The following HS6ST3 variants were observed in gnomAD, a reference collection of about 807,000 sequenced individuals.
The protein encoded by HS6ST3 is heparan-sulfate 6-O-sulfotransferase 3.
In HS6ST3, 12 loss-of-function variants were observed where a neutral mutation model predicts 36.7. The ratio of observed to expected loss-of-function variants is 0.33; its 90% CI spans 0.21 to 0.53. HS6ST3 has a LOEUF of 0.53. Ranked by LOEUF, HS6ST3 falls within the 20% of genes least tolerant of loss-of-function variation. HS6ST3 has a pLI of 0.95. For synonymous variants in HS6ST3, 240 were observed against 257.5 expected, an observed-to-expected ratio of 0.93 and a Z score of 0.65; for missense variants, 584 against 640.9, an observed-to-expected ratio of 0.91 and a Z score of 0.96.
intron 1 of HS6ST3, among the ~76,000 whole-genome samples, chr13:96,560,895 A>G (rs764382977): frequency 1.3e-5 from 2 of 152,202 alleles, no homozygotes; most frequent in Non-Finnish European, 2.9e-5. Context: ...AGATTACCCA[A>G]ACAAATGAGA....
At chr13:96,437,076 T>C (rs1295116848) in intron 1 of HS6ST3, among the ~76,000 whole-genome samples, 3 of 152,218 alleles carry the variant, frequency 2.0e-5, no homozygotes, top group Non-Finnish European at 4.4e-5. Context: ...CCAAATATGT[T>C]GTGTGTTCCT....
At chr13:96,605,415 C>G (rs1024525181) in intron 1 of HS6ST3, among the ~76,000 whole-genome samples, 6 of 152,022 alleles carry the variant, frequency 3.9e-5, no homozygotes, top group Non-Finnish European at 8.8e-5. Flanking sequence ...TTATTTATAT[C>G]TTTTTTTCTG....
At chr13:96,179,946 C>T (rs2054231653) in intron 1 of HS6ST3, among the ~76,000 whole-genome samples, 1 of 152,154 alleles carries the variant, frequency 6.6e-6, no homozygotes, top group African/African-American at 2.4e-5. Flanking sequence ...TTTCCTGCCT[C>T]AGCCTACCGA....
chr13:96,366,556 G>A (rs567209138), intron 1 of HS6ST3, among the ~76,000 whole-genome samples: 1 of 152,214 alleles, frequency 6.6e-6, no homozygotes, highest in Admixed American at 6.5e-5. Context: ...AGTGAGTCTA[G>A]GCTGGTGGTT....
At chr13:96,514,247 C>A (rs539431066) in intron 1 of HS6ST3, among the ~76,000 whole-genome samples, 1 of 152,062 alleles carries the variant, frequency 6.6e-6, no homozygotes, top group Admixed American at 6.5e-5. Flanking sequence ...GGAAGTAGAG[C>A]GAATGAGAAT....
chr13:96,551,953 C>T (rs1437636061), intron 1 of HS6ST3, among the ~76,000 whole-genome samples: 2 of 152,146 alleles, frequency 1.3e-5, no homozygotes, highest in Admixed American at 6.5e-5. Flanking sequence ...TTTCTCTTCT[C>T]TGGGAGAACT....
At chr13:96,413,980 A>G (rs940291939) in intron 1 of HS6ST3, among the ~76,000 whole-genome samples, 2 of 152,240 alleles carry the variant, frequency 1.3e-5, no homozygotes, top group African/African-American at 2.4e-5. Flanking sequence ...CACAAGCAAC[A>G]AAGTGTTACA....
intron 1 of HS6ST3, among the ~76,000 whole-genome samples, chr13:96,832,016 T>C (rs2138550366): frequency 6.6e-6 from 1 of 150,386 alleles, no homozygotes; most frequent in Admixed American, 6.6e-5. Context: ...AACTTTGTTC[T>C]TTCTAGTCCC....
At chr13:96,653,909 G>A (rs1304695635) in intron 1 of HS6ST3, among the ~76,000 whole-genome samples, 9 of 152,184 alleles carry the variant, frequency 5.9e-5, no homozygotes, top group South Asian at 2.1e-4. Flanking sequence ...TCTAACTGGC[G>A]TGAGATGGTA....
intron 1 of HS6ST3, among the ~76,000 whole-genome samples, chr13:96,648,748 G>A (rs570991976): frequency 6.5e-4 from 99 of 152,008 alleles, no homozygotes; most frequent in African/African-American, 2.1e-3. Context: ...GAGACCATGC[G>A]GTGTTTGGTT....
At chr13:96,279,322 A>G (rs1019243898) in intron 1 of HS6ST3, among the ~76,000 whole-genome samples, 1 of 152,158 alleles carries the variant, frequency 6.6e-6, no homozygotes, top group African/African-American at 2.4e-5. Flanking sequence ...GTTTACTCAT[A>G]TATTTATTGA....
intron 1 of HS6ST3, among the ~76,000 whole-genome samples, chr13:96,380,186 T>A (rs1398236070): frequency 6.6e-6 from 1 of 152,142 alleles, no homozygotes; most frequent in Non-Finnish European, 1.5e-5. Flanking sequence ...TGATTGACCT[T>A]GTGCTTGCAT....
At chr13:96,724,451 A>G (rs779250449) in intron 1 of HS6ST3, among the ~76,000 whole-genome samples, 3 of 152,194 alleles carry the variant, frequency 2.0e-5, no homozygotes, top group Non-Finnish European at 4.4e-5. Flanking sequence ...CATCATTACA[A>G]TCAAGATACT....
intron 1 of HS6ST3, among the ~76,000 whole-genome samples, chr13:96,213,242 A>T (rs1191033052): frequency 6.6e-6 from 1 of 152,240 alleles, no homozygotes; most frequent in Non-Finnish European, 1.5e-5. Flanking sequence ...TAGAGTTTCT[A>T]TCATGTAGCC....
intron 1 of HS6ST3, among the ~76,000 whole-genome samples, chr13:96,251,869 A>G (rs867967801): frequency 6.6e-6 from 1 of 151,996 alleles, no homozygotes; most frequent in South Asian, 2.1e-4. Context: ...GAATTATCCA[A>G]TTTTCCTCCT....
At chr13:96,742,504 G>A (rs1418833772) in intron 1 of HS6ST3, among the ~76,000 whole-genome samples, 1 of 152,050 alleles carries the variant, frequency 6.6e-6, no homozygotes, top group Non-Finnish European at 1.5e-5. Context: ...CCAGGCAAAT[G>A]TTAACAATAA....
intron 1 of HS6ST3, among the ~76,000 whole-genome samples, chr13:96,154,996 T>C (rs937663155): frequency 1.3e-5 from 2 of 152,136 alleles, no homozygotes; most frequent in African/African-American, 4.8e-5. Context: ...CACAATGTTA[T>C]CTAAAATTAT....
At chr13:96,456,691 C>T (rs182030497) in intron 1 of HS6ST3, among the ~76,000 whole-genome samples, 2 of 152,120 alleles carry the variant, frequency 1.3e-5, no homozygotes, top group Non-Finnish European at 2.9e-5. Context: ...TGTTTCTCCC[C>T]AGTGATGGTA....
At chr13:96,388,226 A>G (rs1196997460) in intron 1 of HS6ST3, among the ~76,000 whole-genome samples, 2 of 152,250 alleles carry the variant, frequency 1.3e-5, no homozygotes, top group Admixed American at 6.5e-5. Flanking sequence ...ATGAATCAAA[A>G]CAACCTTACT....
Sources: allele counts gnomAD v4.1 joint callset (sites outside exome capture counted in the v4.1 genomes callset), GRCh38; gene constraint gnomAD v4.1.1; transcripts MANE v1.5; gene names NCBI Gene and HGNC (gene_info 2026-07-23, HGNC 2026-07-21).